Variants in CCBE1 observed in about 807,000 individuals in gnomAD.
The protein encoded by CCBE1 is collagen and calcium binding EGF domains 1.
Under a neutral mutation model 50.0 loss-of-function variants are expected in CCBE1, and 37 were observed. That is an observed-to-expected ratio of 0.74 (90% confidence interval 0.57 to 0.97). The LOEUF is 0.97. Among genes scored for constraint, CCBE1 ranks in the 50% least tolerant of loss-of-function variants. The pLI, the probability that CCBE1 is intolerant of heterozygous loss-of-function variation, is 0.00. For missense variants in CCBE1, 538 were observed against 523.8 expected (o/e 1.03, Z -0.26); for synonymous variants, 234 against 203.7 (o/e 1.15, Z -1.27).
chr18:59,538,485 A>G (rs1045304115), intron 2 of CCBE1, among the ~76,000 whole-genome samples: 6 of 152,212 alleles, frequency 3.9e-5, no homozygotes, highest in African/African-American at 1.4e-4. Flanking sequence ...TAGAGCATAC[A>G]TATTTTCTTG....
intron 2 of CCBE1, chr18:59,666,281 G>A (rs2054355590): frequency 6.6e-6 from 1 of 152,138 alleles, no homozygotes; most frequent in Non-Finnish European, 1.5e-5. Flanking sequence ...CCTCCCACCA[G>A]ATTCCTCTCA....
chr18:59,443,604 T>C (rs1323956031), intron 7 of CCBE1, among the ~76,000 whole-genome samples: 3 of 150,648 alleles, frequency 2.0e-5, no homozygotes, highest in African/African-American at 7.4e-5. Flanking sequence ...GTAGATGGGA[T>C]TACAGGTGCC....
intron 2 of CCBE1, among the ~76,000 whole-genome samples, chr18:59,605,330 CAA>C (rs2053483591): frequency 6.6e-6 from 1 of 152,156 alleles, no homozygotes. Flanking sequence ...ACAGCGATAA[CAA>C]GAGGAAGATG....
intron 2 of CCBE1, among the ~76,000 whole-genome samples, chr18:59,674,284 T>C (rs2054469900): frequency 6.6e-6 from 1 of 152,156 alleles, no homozygotes; most frequent in Admixed American, 6.5e-5. Flanking sequence ...CACCATGGAA[T>C]ACTGTACACC....
intron 6 of CCBE1, among the ~76,000 whole-genome samples, chr18:59,449,911 C>T (rs140783664): frequency 1.1e-4 from 16 of 152,238 alleles, no homozygotes; most frequent in South Asian, 2.1e-4. Context: ...CTCAGTGTCC[C>T]GGCTGACCTC....
At chr18:59,598,227 T>C (rs1308036066) in intron 2 of CCBE1, among the ~76,000 whole-genome samples, 1 of 152,134 alleles carries the variant, frequency 6.6e-6, no homozygotes, top group Middle Eastern at 3.2e-3. Flanking sequence ...TTACAAAGCT[T>C]GAAGTAGTGG....
At chr18:59,455,556 T>C (rs1310843196) in intron 5 of CCBE1, among the ~76,000 whole-genome samples, 1 of 152,222 alleles carries the variant, frequency 6.6e-6, no homozygotes, top group Non-Finnish European at 1.5e-5. Flanking sequence ...AAAGCCCTGC[T>C]GTAGAACACT....
intron 2 of CCBE1, among the ~76,000 whole-genome samples, chr18:59,619,595 T>C (rs1359195687): frequency 6.6e-6 from 1 of 152,250 alleles, no homozygotes; most frequent in Non-Finnish European, 1.5e-5. Flanking sequence ...CTATGATTTA[T>C]CCGGCTCCAT....
chr18:59,581,545 G>T (rs1403647740), intron 2 of CCBE1, among the ~76,000 whole-genome samples: 1 of 152,108 alleles, frequency 6.6e-6, no homozygotes, highest in Non-Finnish European at 1.5e-5. Flanking sequence ...GATCCACTGG[G>T]TAATAAAGCA....
chr18:59,616,118 G>C (rs995618104), intron 2 of CCBE1, among the ~76,000 whole-genome samples: 2 of 152,172 alleles, frequency 1.3e-5, no homozygotes, highest in Non-Finnish European at 2.9e-5. Flanking sequence ...ATCTGGGTTA[G>C]AGGGAAATGG....
At chr18:59,506,380 G>C (rs1474785871) in intron 2 of CCBE1, among the ~76,000 whole-genome samples, 1 of 152,174 alleles carries the variant, frequency 6.6e-6, no homozygotes, top group African/African-American at 2.4e-5. Flanking sequence ...GTAAGAGAGA[G>C]CAGGCTTTTG....
At chr18:59,506,194 T>C (rs1913865240) in intron 2 of CCBE1, among the ~76,000 whole-genome samples, 1 of 152,114 alleles carries the variant, frequency 6.6e-6, no homozygotes, top group Admixed American at 6.6e-5. Flanking sequence ...GAGAAGGTGG[T>C]CACGTAAAGA....
chr18:59,453,460 G>A lies in CCBE1; in HGVS notation c.654+1391C>T, dbSNP rs73450386. Among the ~76,000 whole-genome samples the A allele has an allele frequency of 9.7e-3, 1,473 of 152,242 alleles. 6 individuals are homozygous for A. The highest frequency in any genetic ancestry group is 0.014 in the Non-Finnish European group (945 of 68,018). ...CTATTAGGATCATAAGCTATTTAGG[G>A]TTAAATCTATGTTTTATTCATAACT... On this transcript the variant is annotated intron_variant, in intron 6 of 10. Coordinates refer to ENST00000439986, the MANE Select transcript of CCBE1 (RefSeq NM_133459.4).
At chr18:59,471,048 G>T (rs1019865777) in intron 3 of CCBE1, among the ~76,000 whole-genome samples, 1 of 152,218 alleles carries the variant, frequency 6.6e-6, no homozygotes, top group African/African-American at 2.4e-5. Context: ...GGCAGCCAAG[G>T]TTCTGTGCTC....
intron 2 of CCBE1, among the ~76,000 whole-genome samples, chr18:59,678,023 C>T (rs73961293): frequency 0.012 from 1,775 of 152,246 alleles, 28 homozygotes; most frequent in African/African-American, 0.041. Context: ...CTATCCCAAA[C>T]GGCAACACAA....
chr18:59,542,127 G>A (rs1915490953), intron 2 of CCBE1, among the ~76,000 whole-genome samples: 1 of 148,916 alleles, frequency 6.7e-6, no homozygotes, highest in African/African-American at 2.5e-5. Flanking sequence ...TGAGCTGTGA[G>A]TGTGCCACTG....
intron 2 of CCBE1, among the ~76,000 whole-genome samples, chr18:59,557,989 T>A (rs2052678502): frequency 6.6e-6 from 1 of 151,968 alleles, no homozygotes; most frequent in South Asian, 2.1e-4. Context: ...TTCAAAGACA[T>A]AACATGGTAA....
At chr18:59,600,157 C>T (rs541013419) in intron 2 of CCBE1, among the ~76,000 whole-genome samples, 1 of 152,190 alleles carries the variant, frequency 6.6e-6, no homozygotes, top group African/African-American at 2.4e-5. Context: ...TGTTAGGAAC[C>T]GGGCTGTGGG....
intron 2 of CCBE1, among the ~76,000 whole-genome samples, chr18:59,516,486 G>A (rs1467348110): frequency 6.6e-6 from 1 of 152,210 alleles, no homozygotes; most frequent in Non-Finnish European, 1.5e-5. Context: ...GTTTGTTGTT[G>A]CAACAGGACC....
Sources: allele counts gnomAD v4.1 joint callset (sites outside exome capture counted in the v4.1 genomes callset), GRCh38; gene constraint gnomAD v4.1.1; transcripts MANE v1.5; gene names NCBI Gene and HGNC (gene_info 2026-07-23, HGNC 2026-07-21).